Variants in ELAVL4 observed in about 807,000 individuals in gnomAD.
ELAVL4 encodes ELAV like RNA binding protein 4.
ELAVL4 carries 1 observed loss-of-function variant against 35.6 expected under a neutral mutation model. That is an observed-to-expected ratio of 0.03 (90% CI 0.01 to 0.13). The LOEUF (loss-of-function observed/expected upper bound fraction) is 0.13. Ranked by LOEUF, ELAVL4 falls within the 10% of genes least tolerant of loss-of-function variation. The pLI is 1.00. For missense variants in ELAVL4, 267 were observed against 464.9 expected (o/e 0.57, Z 3.91); for synonymous variants, 156 against 171.0 (o/e 0.91, Z 0.69).
chr1:50,168,950 A>G (rs1375530011), intron 2 of ELAVL4, among the ~76,000 whole-genome samples: 1 of 148,788 alleles, frequency 6.7e-6, no homozygotes, highest in Non-Finnish European at 1.5e-5. Flanking sequence ...AGATATGTAT[A>G]TATATATATA....
chr1:50,118,846 G>T (rs564749068), intron 1 of ELAVL4, among the ~76,000 whole-genome samples: 19 of 151,210 alleles, frequency 1.3e-4, no homozygotes, highest in African/African-American at 4.4e-4. Flanking sequence ...AAGGGAAGTC[G>T]ATTTTTTTCT....
chr1:50,136,287 G>A (rs1387886743), intron 1 of ELAVL4, among the ~76,000 whole-genome samples: 2 of 152,132 alleles, frequency 1.3e-5, no homozygotes, highest in Non-Finnish European at 2.9e-5. Flanking sequence ...TGTTTTTCAG[G>A]CTTGGAAAGG....
intron 6 of ELAVL4, among the ~76,000 whole-genome samples, chr1:50,198,228 C>G (rs1267083961): frequency 6.6e-6 from 1 of 152,152 alleles, no homozygotes; most frequent in Non-Finnish European, 1.5e-5. Flanking sequence ...TCAAAGTTTT[C>G]CAGACCCAGT....
At chr1:50,082,265 A>G (rs913848846) in intron 1 of ELAVL4, among the ~76,000 whole-genome samples, 6 of 152,228 alleles carry the variant, frequency 3.9e-5, no homozygotes, top group African/African-American at 1.4e-4. Context: ...ACTGTCTTCC[A>G]CAGTGGTTGA....
chr1:50,168,948 A>G (rs541686350), intron 2 of ELAVL4, among the ~76,000 whole-genome samples: 127 of 145,262 alleles, frequency 8.7e-4, no homozygotes, highest in African/African-American at 2.9e-3. Context: ...GGAGATATGT[A>G]TATATATATA....
chr1:50,174,079 A>G (rs1040214094), intron 2 of ELAVL4, among the ~76,000 whole-genome samples: 1 of 152,242 alleles, frequency 6.6e-6, no homozygotes, highest in Non-Finnish European at 1.5e-5. Flanking sequence ...AAATTAAAAC[A>G]TAAAATTTTT....
At chr1:50,093,312 G>A (rs1665573650) in intron 1 of ELAVL4, among the ~76,000 whole-genome samples, 1 of 152,062 alleles carries the variant, frequency 6.6e-6, no homozygotes, top group African/African-American at 2.4e-5. Context: ...ATTATTGTTT[G>A]TTTGTTTTTA....
At chr1:50,070,740 C>CAAAA (rs34633476) in intron 1 of ELAVL4, among the ~76,000 whole-genome samples, 5 of 77,116 alleles carry the variant, frequency 6.5e-5, no homozygotes, top group African/African-American at 1.9e-4. Context: ...GACTCCATCT[C>CAAAA]AAAAAAAAAA....
chr1:50,055,285 G>T (rs377586277), intron 1 of ELAVL4, among the ~76,000 whole-genome samples: 27 of 149,298 alleles, frequency 1.8e-4, no homozygotes, highest in Non-Finnish European at 2.4e-4. Flanking sequence ...TTTTTTTTTT[G>T]TTTTGTTTTT....
chr1:50,186,262 A>G (rs953800570), intron 3 of ELAVL4, among the ~76,000 whole-genome samples: 3 of 152,196 alleles, frequency 2.0e-5, no homozygotes, highest in Admixed American at 6.5e-5. Flanking sequence ...CCGCGGCATA[A>G]AGTATATGAT....
chr1:50,158,645 A>G (rs1676178174), intron 2 of ELAVL4, among the ~76,000 whole-genome samples: 1 of 152,270 alleles, frequency 6.6e-6, no homozygotes, highest in African/African-American at 2.4e-5. Flanking sequence ...CCTCCCCACT[A>G]TGCAATTCTG....
intron 2 of ELAVL4, among the ~76,000 whole-genome samples, chr1:50,155,999 CTT>C (rs1222934747): frequency 6.6e-6 from 1 of 152,034 alleles, no homozygotes; most frequent in African/African-American, 2.4e-5. Flanking sequence ...CCCCCAAACA[CTT>C]TTCTGGCATG....
At chr1:50,156,762 T>C (rs544046073) in intron 2 of ELAVL4, among the ~76,000 whole-genome samples, 10 of 152,180 alleles carry the variant, frequency 6.6e-5, no homozygotes, top group Non-Finnish European at 1.2e-4. Flanking sequence ...GCCGGCTGCA[T>C]ACCCATGTCT....
intron 2 of ELAVL4, among the ~76,000 whole-genome samples, chr1:50,161,185 C>T (rs1314385626): frequency 6.6e-6 from 1 of 152,160 alleles, no homozygotes; most frequent in Non-Finnish European, 1.5e-5. Context: ...GAGAGTAAGC[C>T]AACCAAGAAT....
At chr1:50,181,649 TG>T (rs1681042742) in intron 3 of ELAVL4, among the ~76,000 whole-genome samples, 1 of 150,382 alleles carries the variant, frequency 6.6e-6, no homozygotes, top group African/African-American at 2.4e-5. Flanking sequence ...TGTTTAGCTT[TG>T]TTTTTGGTTT....
chr1:50,165,040 G>T (rs1677496739), intron 2 of ELAVL4, among the ~76,000 whole-genome samples: 1 of 152,172 alleles, frequency 6.6e-6, no homozygotes, highest in South Asian at 2.1e-4. Context: ...CAGTGAGAAT[G>T]TTCGCCTGAT....
At chr1:50,198,295 C>T (rs1373792229) in intron 6 of ELAVL4, among the ~76,000 whole-genome samples, 1 of 152,102 alleles carries the variant, frequency 6.6e-6, no homozygotes, top group East Asian at 1.9e-4. Flanking sequence ...CATGAGATTC[C>T]CATATGTGCT....
chr1:50,138,723 C>T (rs553061853), intron 1 of ELAVL4, among the ~76,000 whole-genome samples: 2 of 152,238 alleles, frequency 1.3e-5, no homozygotes, highest in South Asian at 4.1e-4. Context: ...ACCTTGGCCT[C>T]CCAAAGTGCT....
At chr1:50,136,990 G>A (rs1171611088) in intron 1 of ELAVL4, among the ~76,000 whole-genome samples, 2 of 152,172 alleles carry the variant, frequency 1.3e-5, no homozygotes, top group African/African-American at 4.8e-5. Context: ...AATCCTGAAA[G>A]TAGGTGTAGG....
Sources: gnomAD v4.1 joint callset for allele counts (sites outside exome capture counted in the v4.1 genomes callset) on GRCh38, gnomAD v4.1.1 for gene constraint, MANE v1.5 for transcripts, NCBI Gene and HGNC (gene_info 2026-07-23, HGNC 2026-07-21) for gene names.